Variants in CFTR observed in about 807,000 individuals in gnomAD.
The protein encoded by CFTR is CF transmembrane conductance regulator, also known as cystic fibrosis transmembrane conductance regulator.
Under a neutral mutation model 171.6 loss-of-function variants are expected in CFTR, and 181 were observed. That is an observed-to-expected ratio of 1.05 (90% confidence interval 0.93 to 1.19). CFTR has a LOEUF of 1.19. Ranked by LOEUF, CFTR falls within the 50% of genes most tolerant of loss-of-function variation. The probability of loss-of-function intolerance (pLI) is 0.00; values close to 1 mark genes in which losing one functional copy is unlikely to be tolerated. For missense variants in CFTR, 1,968 were observed against 1,734.7 expected, an observed-to-expected ratio of 1.13 and a Z score of -2.39; for synonymous variants, 583 against 608.0, an observed-to-expected ratio of 0.96 and a Z score of 0.60.
At position 117,664,566 on chromosome 7, in the gene CFTR, T is replaced by G; in HGVS notation, c.3964-122T>G. 20 of 858,242 alleles carry G rather than the reference T, an allele frequency of 2.3e-5. No homozygotes were observed. The South Asian group carries it at 2.6e-4, about 11-fold the overall frequency. The allele number at this position is 858,242 out of a possible 1,614,324, so 53.2% of individuals were successfully genotyped here. Reference sequence around the variant, plus strand: ...AATCAATTCAAATGGTGGCAGGTAGTGGGGGTAGAGGGATTGGTATGAAAA... The same window carrying G: ...AATCAATTCAAATGGTGGCAGGTAGGGGGGGTAGAGGGATTGGTATGAAAA... On this transcript the variant is annotated intron_variant, in intron 24 of 26. Coordinates refer to ENST00000003084, the MANE Select transcript of CFTR (RefSeq NM_000492.4).
chr7:117,662,856 A>C (rs2283058), intron 24 of CFTR, among the ~76,000 whole-genome samples: 22,874 of 152,126 alleles, frequency 0.15, 2,160 homozygotes, highest in East Asian at 0.31. Flanking sequence ...ATAGGTGGTC[A>C]TCAATACCCT....
rs397515289 is a variant in CFTR, at chr7:117,639,961, C to CGAGTCA, written c.3718-2473_3718-2472insCAGAGT. Among the ~76,000 whole-genome samples, 4 of 152,122 alleles carry CGAGTCA rather than the reference C, an allele frequency of 2.6e-5. No homozygotes were observed. Among genetic ancestry groups the CGAGTCA allele is most frequent in the Non-Finnish European group, 4.4e-5 (3 of 67,962 alleles). ...TCCATCTGTTGCAGTATTAAAATGGCGAGTAAGACACCCTGAAAGGAAATG... is the reference window on the plus strand; with the variant it reads ...TCCATCTGTTGCAGTATTAAAATGGCGAGTCAGAGTAAGACACCCTGAAAGGAAATG... On this transcript the variant is annotated intron_variant, in intron 22 of 26. Transcript: ENST00000003084.
intron 8 of CFTR, among the ~76,000 whole-genome samples, 171 bp downstream of exon 8, chr7:117,540,517 T>A (rs1799036437): frequency 6.6e-6 from 1 of 152,248 alleles, no homozygotes; most frequent in Admixed American, 6.5e-5. Flanking sequence ...AAACTTTTCC[T>A]AGCATTTCTC....
At chr7:117,556,541 A>T (rs1584796933) in intron 10 of CFTR, among the ~76,000 whole-genome samples, 3 of 80,418 alleles carry the variant, frequency 3.7e-5, no homozygotes, top group African/African-American at 5.5e-5. Flanking sequence ...TTTTTTTGAG[A>T]CGGAGTCTCG....
chr7:117,480,054 G>C lies in CFTR; in HGVS notation c.-41G>C, dbSNP rs1318729396. On this transcript the variant is annotated 5_prime_UTR_variant, in exon 1 of 27. Transcript: ENST00000003084. The stretch of plus-strand genomic sequence containing the variant: ...TAGGTCTTTGGCATTAGGAGCTTGA[G>C]CCCAGACGGCCCTAGCAGGGACCCC... The C allele has an allele frequency of 1.2e-5, 20 of 1,605,044 alleles. No homozygotes were observed. The highest frequency in any genetic ancestry group is 1.5e-5 in the Non-Finnish European group (18 of 1,172,084).
intron 11 of CFTR, among the ~76,000 whole-genome samples, chr7:117,565,720 TA>T (rs1242909825): frequency 6.6e-6 from 1 of 152,070 alleles, no homozygotes; most frequent in Non-Finnish European, 1.5e-5. Flanking sequence ...TTGAAGAAGG[TA>T]AAATCTGGAT....
rs146048794 is a variant in CFTR, at chr7:117,515,211, G to A, written c.273+6069G>A. Among the ~76,000 whole-genome samples, 307 of 152,018 alleles carry A rather than the reference G, an allele frequency of 2.0e-3. 3 individuals are homozygous for A. Among genetic ancestry groups the A allele is most frequent in the East Asian group, 0.017 (90 of 5,170 alleles). On this transcript the variant is annotated intron_variant, in intron 3 of 26. Transcript: ENST00000003084. ...TGCAATTGCTTTTGGCATTTTCCTC[G>A]TGAAGTCTTTGCCCGTGCCTATGTC...
chr7:117,531,083 G>A lies in CFTR; in HGVS notation c.458G>A (p.Arg153Lys), dbSNP rs149197463. 7.4e-6 allele frequency: 12 copies of A among 1,613,468 alleles called. No individual in the cohort carries two copies. The highest frequency in any genetic ancestry group is 9.3e-6 in the Non-Finnish European group (11 of 1,179,704). ...CTTCATCACATTGGAATGCAGATGA[G>A]AATAGCTATGTTTAGTTTGATTTAT... ...FGLHHIGMQMRIAMFSLIYKK... is the reference protein window; with the variant it reads ...FGLHHIGMQMKIAMFSLIYKK... The change falls in exon 4 of 27, where the codon AGA (arginine) becomes AAA (lysine). Residue 153 changes from arginine (R) to lysine (K), a missense_variant. Coordinates refer to ENST00000003084, the MANE Select transcript of CFTR (RefSeq NM_000492.4).
chr7:117,560,331 T>C (rs1483137813), intron 11 of CFTR, among the ~76,000 whole-genome samples: 1 of 152,080 alleles, frequency 6.6e-6, no homozygotes, highest in East Asian at 1.9e-4. Context: ...ACTATGTAAA[T>C]TGTGTGATGG....
At chr7:117,589,033 G>C (rs1305524404) in intron 12 of CFTR, among the ~76,000 whole-genome samples, 1 of 152,066 alleles carries the variant, frequency 6.6e-6, no homozygotes, top group African/African-American at 2.4e-5. Flanking sequence ...ATCCAACATA[G>C]AACTGAGTTT....
At chr7:117,508,947 G>T (rs2116641105) in intron 2 of CFTR, 87 bp from the exon 3 acceptor site, 1 of 857,456 alleles carries the variant, frequency 1.2e-6, no homozygotes. Flanking sequence ...GGATATACTT[G>T]TGTGAATCAA....
rs369869179 is a variant in CFTR at position 117,568,613 on chromosome 7, G to T, written c.1584+8958G>T. Reference sequence around the variant, plus strand: ...TAAATATTTTTTCAGCCTTATTAAGGTATAATGGACAACAATTGTAGGTAT... The same window carrying T: ...TAAATATTTTTTCAGCCTTATTAAGTTATAATGGACAACAATTGTAGGTAT... On this transcript the variant is annotated intron_variant, in intron 11 of 26. Transcript: ENST00000003084. 7.9e-5 allele frequency among the ~76,000 whole-genome samples: 12 copies of T among 152,114 alleles called. No homozygotes were observed. In the East Asian group the frequency reaches 1.9e-3, roughly 24 times the overall value.
chr7:117,583,501 A>G (rs1406741201), intron 11 of CFTR, among the ~76,000 whole-genome samples: 1 of 152,180 alleles, frequency 6.6e-6, no homozygotes, highest in African/African-American at 2.4e-5. Context: ...AAAGGCCATT[A>G]TTTCATTCCG....
intron 1 of CFTR, among the ~76,000 whole-genome samples, chr7:117,498,495 A>G (rs531193245): frequency 6.6e-6 from 1 of 152,334 alleles, no homozygotes; most frequent in East Asian, 1.9e-4. Context: ...CAAGTTTTAC[A>G]CAGGACTTTA....
In CFTR at chr7:117,664,754, T is replaced by G. The variant is rs1793341222; in HGVS notation, c.4030T>G (p.Cys1344Gly). 4 of 1,614,066 alleles carry G rather than the reference T, an allele frequency of 2.5e-6. No individual in the cohort carries two copies. The South Asian group carries it at 4.4e-5, about 18-fold the overall frequency. ...TGACTTTGTCCTTGTGGATGGGGGC[T>G]GTGTCCTAAGCCATGGCCACAAGCA... ...KLDFVLVDGG[C>G]VLSHGHKQLM... is the part of the protein sequence containing the mutation. The change falls in exon 25 of 27, where the codon TGT becomes GGT. Residue 1344 changes from cysteine to glycine, a missense_variant. Physicochemically the swap from Cys to Gly is radical, Grantham distance 159 (BLOSUM62 -3). Transcript: ENST00000003084.
At chr7:117,505,321 T>C (rs1285934934) in intron 2 of CFTR, among the ~76,000 whole-genome samples, 1 of 152,128 alleles carries the variant, frequency 6.6e-6, no homozygotes, top group Non-Finnish European at 1.5e-5. Flanking sequence ...TCCTTTTGAT[T>C]GCCAGTGACA....
At chr7:117,559,006 A>G (rs1799408917) in intron 10 of CFTR, among the ~76,000 whole-genome samples, 1 of 152,220 alleles carries the variant, frequency 6.6e-6, no homozygotes, top group Non-Finnish European at 1.5e-5. Context: ...TGGGAACAAT[A>G]TTACCTGAAT....
At chr7:117,650,449 A>G (rs1793073105) in intron 23 of CFTR, among the ~76,000 whole-genome samples, 1 of 152,054 alleles carries the variant, frequency 6.6e-6, no homozygotes, top group Admixed American at 6.6e-5. Context: ...ACATGGAAGA[A>G]CAAAGAGGCT....
chr7:117,659,988 T>A (rs577048864), intron 24 of CFTR, among the ~76,000 whole-genome samples: 1 of 152,200 alleles, frequency 6.6e-6, no homozygotes, highest in African/African-American at 2.4e-5. Context: ...AATACAGCAA[T>A]AGCAAAAGTC....
Sources: gnomAD v4.1 joint callset for allele counts (sites outside exome capture counted in the v4.1 genomes callset) on GRCh38, gnomAD v4.1.1 for gene constraint, MANE v1.5 for transcripts, NCBI Gene and HGNC (gene_info 2026-07-23, HGNC 2026-07-21) for gene names.